SCAND3: variants seen among roughly 807,000 people sequenced by gnomAD.
The protein encoded by SCAND3 is SCAN domain-containing protein 3.
At chr6:28,610,703 T>C in the SCAND3 span, among the ~76,000 whole-genome samples, 2 of 152,212 alleles carry the variant, frequency 1.3e-5, no homozygotes, top group Non-Finnish European at 2.9e-5. Flanking sequence ...CTACAGTATA[T>C]AGTATATATT....
chr6:28,615,304 C>T, the SCAND3 span, among the ~76,000 whole-genome samples: 22 of 152,134 alleles, frequency 1.4e-4, no homozygotes, highest in Non-Finnish European at 5.9e-5. Flanking sequence ...GTATTAGACA[C>T]TTCAGACCAT....
the SCAND3 span, chr6:28,576,087 G>T: frequency 1.2e-6 from 2 of 1,609,532 alleles, no homozygotes; most frequent in Non-Finnish European, 1.7e-6. Context: ...AGCTACTGAG[G>T]TTATCACCAC....
the SCAND3 span, chr6:28,570,873 AC>A: frequency 6.6e-6 from 1 of 152,320 alleles, no homozygotes; most frequent in South Asian, 2.1e-4. Context: ...TCATCTCCAA[AC>A]AAAATAGAGG....
At chr6:28,580,030 C>G in the SCAND3 span, among the ~76,000 whole-genome samples, 1 of 152,182 alleles carries the variant, frequency 6.6e-6, no homozygotes, top group Non-Finnish European at 1.5e-5. Flanking sequence ...CCAGAATATT[C>G]TAAAAGGGAA....
chr6:28,579,842 T>A, the SCAND3 span, among the ~76,000 whole-genome samples: 4 of 151,212 alleles, frequency 2.6e-5, no homozygotes, highest in Non-Finnish European at 5.9e-5. The surrounding 1 kb of genome is among the most constrained non-coding windows in gnomAD (Gnocchi z 4.5). Context: ...AGGTCAGGAG[T>A]TCGAGAGCAG....
chr6:28,606,352 T>C, the SCAND3 span, among the ~76,000 whole-genome samples: 1 of 152,136 alleles, frequency 6.6e-6, no homozygotes, highest in African/African-American at 2.4e-5. Flanking sequence ...AGTTGTGAAT[T>C]TGGGTTGGGC....
the SCAND3 span, chr6:28,588,089 T>C: frequency 1.3e-5 from 2 of 152,212 alleles, no homozygotes; most frequent in African/African-American, 2.4e-5. The surrounding 1 kb of genome is among the most constrained non-coding windows in gnomAD (Gnocchi z 4.1). Context: ...AGAGAGTCTT[T>C]GAATAATCAG....
chr6:28,575,533 C>A, the SCAND3 span: 2 of 1,613,834 alleles, frequency 1.2e-6, no homozygotes, highest in East Asian at 2.2e-5. The surrounding 1 kb of genome is among the most constrained non-coding windows in gnomAD (Gnocchi z 4.2). Context: ...CAAAATAAAT[C>A]TGTACTCCCC....
At chr6:28,575,702 T>C in the SCAND3 span, 1 of 1,613,988 alleles carries the variant, frequency 6.2e-7, no homozygotes, top group Non-Finnish European at 8.5e-7. The surrounding 1 kb of genome is among the most constrained non-coding windows in gnomAD (Gnocchi z 4.2). Flanking sequence ...GTGATGTTCT[T>C]GTATTTCGCT....
the SCAND3 span, chr6:28,575,292 A>G: frequency 6.2e-7 from 1 of 1,613,616 alleles, no homozygotes; most frequent in African/African-American, 1.3e-5. The surrounding 1 kb of genome is among the most constrained non-coding windows in gnomAD (Gnocchi z 4.2). Context: ...GTTCTGCAGA[A>G]CTCTGGCTTT....
the SCAND3 span, chr6:28,571,756 C>A: frequency 1.7e-5 from 13 of 783,344 alleles, no homozygotes; most frequent in Non-Finnish European, 7.5e-6. Context: ...TACATATAGG[C>A]AATTTATATA....
chr6:28,574,627 C>A, the SCAND3 span: 1 of 1,597,412 alleles, frequency 6.3e-7, no homozygotes, highest in South Asian at 1.1e-5. Context: ...TCATCTACGG[C>A]AGATATTCAA....
chr6:28,586,165 A>G, the SCAND3 span: 1 of 705,438 alleles, frequency 1.4e-6, no homozygotes. The surrounding 1 kb of genome is among the most constrained non-coding windows in gnomAD (Gnocchi z 4.4). Context: ...CTATTCATCT[A>G]CACCAGTGAT....
At chr6:28,586,635 T>C in the SCAND3 span, 1 of 1,614,040 alleles carries the variant, frequency 6.2e-7, no homozygotes, top group Admixed American at 1.7e-5. The surrounding 1 kb of genome is among the most constrained non-coding windows in gnomAD (Gnocchi z 4.4). Flanking sequence ...GTCTTCTTCT[T>C]TAACCTTTAC....
the SCAND3 span, among the ~76,000 whole-genome samples, chr6:28,602,992 T>G: frequency 7.4e-6 from 1 of 134,328 alleles, no homozygotes; most frequent in Non-Finnish European, 1.5e-5. Flanking sequence ...AGAGGGAGTC[T>G]CACTCTGTCG....
the SCAND3 span, chr6:28,575,288 C>T: frequency 6.2e-7 from 1 of 1,613,992 alleles, no homozygotes; most frequent in Admixed American, 1.7e-5. This position sits in a 1 kb window ranked among gnomAD's most constrained non-coding sequence, Gnocchi z 4.2. Flanking sequence ...GTTTGTTCTG[C>T]AGAACTCTGG....
the SCAND3 span, among the ~76,000 whole-genome samples, chr6:28,614,476 T>C: frequency 1.3e-5 from 2 of 151,992 alleles, no homozygotes; most frequent in South Asian, 4.2e-4. Context: ...TTCTTTTCTT[T>C]TTTTTGGAGG....
the SCAND3 span, chr6:28,575,160 T>C: frequency 1.5e-5 from 25 of 1,613,992 alleles, 1 homozygote; most frequent in East Asian, 1.1e-4. The surrounding 1 kb of genome is among the most constrained non-coding windows in gnomAD (Gnocchi z 4.2). Context: ...ATGGAGTCTG[T>C]TGCATGCTTC....
the SCAND3 span, among the ~76,000 whole-genome samples, chr6:28,607,517 C>CTT: frequency 1.2e-5 from 1 of 82,046 alleles, no homozygotes; most frequent in Non-Finnish European, 3.1e-5. Context: ...GTTTTATTCA[C>CTT]TGTTTTTTTT....
Sources: gnomAD v4.1 joint callset for allele counts (sites outside exome capture counted in the v4.1 genomes callset) on GRCh38, gnomAD v4.1.1 for gene constraint, Gnocchi (gnomAD v3.1) non-coding constraint, MANE v1.5 for transcripts, NCBI Gene and HGNC (gene_info 2026-07-23, HGNC 2026-07-21) for gene names.